The following SPATS2L variants were observed in gnomAD, a reference collection of about 807,000 sequenced individuals.
SPATS2L encodes the protein SPATS2-like protein.
In SPATS2L, 30 loss-of-function variants were observed where a neutral mutation model predicts 59.6. That is an observed-to-expected ratio of 0.50 (90% CI 0.38 to 0.68). SPATS2L has a LOEUF of 0.68. Ranked by LOEUF, SPATS2L falls within the 30% of genes least tolerant of loss-of-function variation. The pLI, the probability that SPATS2L is intolerant of heterozygous loss-of-function variation, is 0.00. For missense variants in SPATS2L, 615 were observed against 700.0 expected (o/e 0.88, Z 1.37); for synonymous variants, 252 against 263.5 (o/e 0.96, Z 0.42).
At chr2:200,375,660 CTG>C (rs2081574785) in intron 2 of SPATS2L, among the ~76,000 whole-genome samples, 1 of 152,156 alleles carries the variant, frequency 6.6e-6, no homozygotes, top group Admixed American at 6.5e-5. Context: ...GGGTCTTACT[CTG>C]TCATCCAGGC....
intron 2 of SPATS2L, among the ~76,000 whole-genome samples, chr2:200,333,741 G>A (rs1480881729): frequency 6.6e-6 from 1 of 151,994 alleles, no homozygotes; most frequent in Non-Finnish European, 1.5e-5. Flanking sequence ...CTATGAGTGA[G>A]AACATGTAGT....
At chr2:200,307,003 A>C (rs1020198237) in intron 1 of SPATS2L, 81 bp downstream of exon 1, 1 of 974,854 alleles carries the variant, frequency 1.0e-6, no homozygotes, top group Non-Finnish European at 1.2e-6. Context: ...CGCGGCCGGG[A>C]CGGAGACTCG....
intron 2 of SPATS2L, among the ~76,000 whole-genome samples, chr2:200,381,486 C>G (rs562724574): frequency 3.3e-5 from 5 of 152,298 alleles, no homozygotes; most frequent in East Asian, 1.9e-4. Context: ...CTCTCCCTAT[C>G]GAAGGGTACC....
intron 3 of SPATS2L, among the ~76,000 whole-genome samples, chr2:200,391,133 C>T (rs1247680157): frequency 1.3e-5 from 2 of 152,174 alleles, no homozygotes; most frequent in Non-Finnish European, 2.9e-5. Context: ...GCACTCCAGG[C>T]TGGGTGACAG....
At chr2:200,403,293 C>A (rs964399314) in intron 3 of SPATS2L, among the ~76,000 whole-genome samples, 2 of 151,964 alleles carry the variant, frequency 1.3e-5, no homozygotes, top group Non-Finnish European at 2.9e-5. Context: ...CTCAGGTGAG[C>A]TTGATCAGAT....
chr2:200,358,222 C>A (rs1219893470), intron 2 of SPATS2L, among the ~76,000 whole-genome samples: 1 of 152,158 alleles, frequency 6.6e-6, no homozygotes, highest in Non-Finnish European at 1.5e-5. Flanking sequence ...TCTTAGGAGA[C>A]CATTTTCAGA....
At chr2:200,374,473 C>A (rs2081533637) in intron 2 of SPATS2L, among the ~76,000 whole-genome samples, 1 of 152,016 alleles carries the variant, frequency 6.6e-6, no homozygotes. Context: ...GATTTGTTGA[C>A]CATTTTGTTA....
intron 2 of SPATS2L, among the ~76,000 whole-genome samples, chr2:200,334,858 T>C (rs1286538732): frequency 3.3e-5 from 5 of 152,226 alleles, no homozygotes; most frequent in African/African-American, 1.2e-4. Flanking sequence ...CTCTGTTCTG[T>C]TCCATTGATC....
intron 2 of SPATS2L, chr2:200,378,094 A>C (rs1176456060): frequency 3.0e-6 from 1 of 333,564 alleles, no homozygotes; most frequent in Non-Finnish European, 4.3e-6. Flanking sequence ...AGTTTCACAA[A>C]AAGGGAACAA....
chr2:200,452,920 T>C (rs1866149), intron 8 of SPATS2L, among the ~76,000 whole-genome samples: 137,685 of 152,156 alleles, frequency 0.9, 62,886 homozygotes, highest in Non-Finnish European at 0.97. Context: ...TTATTATTTT[T>C]CAGTTTTGAA....
chr2:200,365,781 C>G (rs2081250048), intron 2 of SPATS2L, among the ~76,000 whole-genome samples: 1 of 152,142 alleles, frequency 6.6e-6, no homozygotes. Context: ...TCAAAGTGGT[C>G]TAATAAAACT....
At chr2:200,419,698 C>A (rs1212722800) in intron 6 of SPATS2L, among the ~76,000 whole-genome samples, 1 of 150,034 alleles carries the variant, frequency 6.7e-6, no homozygotes, top group Non-Finnish European at 1.5e-5. Flanking sequence ...TAGCTCTACA[C>A]CAAGTCAGAG....
chr2:200,333,693 C>A (rs926090454), intron 2 of SPATS2L, among the ~76,000 whole-genome samples: 2 of 152,034 alleles, frequency 1.3e-5, no homozygotes, highest in Non-Finnish European at 2.9e-5. Context: ...TGATGTTCCC[C>A]TTCCTGTGTC....
chr2:200,471,715 C>A (rs577538156), intron 11 of SPATS2L, among the ~76,000 whole-genome samples: 1 of 152,104 alleles, frequency 6.6e-6, no homozygotes, highest in African/African-American at 2.4e-5. Flanking sequence ...TTTGGACAGC[C>A]CCAGCTTGCT....
chr2:200,471,601 C>T (rs2087044170), intron 11 of SPATS2L, among the ~76,000 whole-genome samples: 1 of 152,168 alleles, frequency 6.6e-6, no homozygotes, highest in African/African-American at 2.4e-5. Context: ...ATTGAGAACC[C>T]ACAGGTACTG....
At chr2:200,364,309 C>T (rs879519316) in intron 2 of SPATS2L, among the ~76,000 whole-genome samples, 1 of 152,032 alleles carries the variant, frequency 6.6e-6, no homozygotes, top group African/African-American at 2.4e-5. Flanking sequence ...CTCTCCTGTT[C>T]GGTAAGAAGA....
intron 1 of SPATS2L, among the ~76,000 whole-genome samples, chr2:200,309,349 C>G (rs1206596665): frequency 6.6e-6 from 1 of 152,200 alleles, no homozygotes; most frequent in Non-Finnish European, 1.5e-5. Context: ...TGTGGTTGCT[C>G]TTCGTAAGAT....
rs529008460 is a variant in SPATS2L, at chr2:200,397,542, T to C, written c.39+8259T>C. 1.9e-4 allele frequency among the ~76,000 whole-genome samples: 29 copies of C among 152,244 alleles called. No homozygotes were observed. In the South Asian group the frequency reaches 6.0e-3, roughly 32 times the overall value. Reference sequence around the variant, plus strand: ...AAAATTGTTATTGTTTGTATTATTATTAAAACCACATTTTCTCTGTAAATC... The same window carrying C: ...AAAATTGTTATTGTTTGTATTATTACTAAAACCACATTTTCTCTGTAAATC... On this transcript the variant is annotated intron_variant, in intron 3 of 12. Coordinates refer to ENST00000409140, the MANE Select transcript of SPATS2L (RefSeq NM_001100423.2).
intron 1 of SPATS2L, among the ~76,000 whole-genome samples, chr2:200,317,032 T>A (rs899482742): frequency 1.3e-5 from 2 of 152,130 alleles, no homozygotes; most frequent in South Asian, 4.1e-4. Flanking sequence ...TTGTCTCTAG[T>A]GGGAAGGTTG....
Sources: gnomAD v4.1 joint callset for allele counts (sites outside exome capture counted in the v4.1 genomes callset) on GRCh38, gnomAD v4.1.1 for gene constraint, MANE v1.5 for transcripts, NCBI Gene and HGNC (gene_info 2026-07-23, HGNC 2026-07-21) for gene names.